PARVA: variants seen among roughly 807,000 people sequenced by gnomAD.
PARVA encodes the protein parvin alpha, also known as alpha-parvin.
A neutral mutation model predicts 52.6 loss-of-function variants in PARVA; 25 were observed. The observed-to-expected ratio is 0.48, with a 90% CI of 0.35 to 0.66. PARVA has a LOEUF of 0.66. Ranked by LOEUF, PARVA falls within the 30% of genes least tolerant of loss-of-function variation. PARVA has a pLI of 0.01. For missense variants in PARVA, 373 were observed against 450.9 expected (o/e 0.83, Z 1.56); for synonymous variants, 185 against 179.1 (o/e 1.03, Z -0.26).
intron 8 of PARVA, chr11:12,513,088 C>A: frequency 1.5e-6 from 1 of 685,628 alleles, no homozygotes; most frequent in South Asian, 1.5e-5. Flanking sequence ...TACACATGCA[C>A]GGACACAGAC....
intron 1 of PARVA, among the ~76,000 whole-genome samples, chr11:12,457,054 C>G (rs979123916): frequency 1.3e-5 from 2 of 152,164 alleles, no homozygotes; most frequent in Non-Finnish European, 2.9e-5. Flanking sequence ...TGTGTACGAG[C>G]TAAATTATGC....
intron 4 of PARVA, chr11:12,479,630 T>C (rs1589973776): frequency 2.0e-5 from 3 of 152,318 alleles, no homozygotes; most frequent in African/African-American, 7.2e-5. Flanking sequence ...GATAGTCATA[T>C]ACTTTTTTTT....
At chr11:12,457,397 G>A (rs562621305) in intron 1 of PARVA, among the ~76,000 whole-genome samples, 1 of 152,274 alleles carries the variant, frequency 6.6e-6, no homozygotes, top group South Asian at 2.1e-4. Context: ...ATTTCCAGTT[G>A]CTGACAGGGC....
chr11:12,511,234 G>A (rs931627291), intron 7 of PARVA, among the ~76,000 whole-genome samples: 2 of 152,184 alleles, frequency 1.3e-5, no homozygotes, highest in African/African-American at 2.4e-5. Context: ...GGCAAAAAGT[G>A]ATCCTTTAGG....
intron 4 of PARVA, among the ~76,000 whole-genome samples, chr11:12,487,471 G>T (rs1363337377): frequency 6.6e-6 from 1 of 152,122 alleles, no homozygotes; most frequent in African/African-American, 2.4e-5. Context: ...GCTGTTAAAA[G>T]CAATTAAAAT....
intron 1 of PARVA, among the ~76,000 whole-genome samples, chr11:12,444,100 C>T (rs1342103578): frequency 1.3e-5 from 2 of 152,084 alleles, no homozygotes; most frequent in Admixed American, 6.5e-5. Flanking sequence ...CACCCCCTAA[C>T]CCCCCAGCAT....
In PARVA at chr11:12,532,859, G is replaced by A. The variant is rs373999316; in HGVS notation, c.*4934G>A. 2.2e-4 allele frequency among the ~76,000 whole-genome samples: 33 copies of A among 152,306 alleles called. No homozygotes were observed. In the East Asian group the frequency reaches 4.1e-3, roughly 19 times the overall value. On this transcript the variant is annotated 3_prime_UTR_variant, in exon 13 of 13. Transcript: ENST00000334956. ...AATGAGGGAGAAGACGGATCCGATCGCAGGCATCGGGAGTGCTGATTTTTC... is the reference window on the plus strand; with the variant it reads ...AATGAGGGAGAAGACGGATCCGATCACAGGCATCGGGAGTGCTGATTTTTC...
rs1941802945 is a variant in PARVA, at chr11:12,533,858, G to T, written c.*5933G>T. Among the ~76,000 whole-genome samples the T allele has an allele frequency of 6.6e-6, 1 of 151,544 alleles. No individual in the cohort carries two copies. The highest frequency in any genetic ancestry group is 1.5e-5 in the Non-Finnish European group (1 of 67,906). On this transcript the variant is annotated 3_prime_UTR_variant, in exon 13 of 13. Transcript: ENST00000334956. ...GTAGGGGTTGGTCTTGCTGTCTGAG[G>T]GGTGGCAGAGGCAGAAAAAAAATCC...
At chr11:12,456,943 C>G (rs543028428) in intron 1 of PARVA, among the ~76,000 whole-genome samples, 2 of 152,330 alleles carry the variant, frequency 1.3e-5, no homozygotes, top group South Asian at 2.1e-4. Flanking sequence ...CCAGCTACCC[C>G]ACACTTGCTC....
At chr11:12,492,142 C>T (rs943891849) in intron 4 of PARVA, among the ~76,000 whole-genome samples, 4 of 152,162 alleles carry the variant, frequency 2.6e-5, no homozygotes, top group African/African-American at 9.6e-5. Flanking sequence ...CATCTCAGTT[C>T]TCCCACCATT....
chr11:12,497,734 G>A (rs180997259), intron 5 of PARVA, among the ~76,000 whole-genome samples: 19 of 152,310 alleles, frequency 1.2e-4, no homozygotes, highest in African/African-American at 4.3e-4. Flanking sequence ...AAGGAGAGGG[G>A]CTCTGTTTCA....
chr11:12,420,650 A>T (rs1940135331), intron 1 of PARVA, among the ~76,000 whole-genome samples: 1 of 152,216 alleles, frequency 6.6e-6, no homozygotes, highest in Non-Finnish European at 1.5e-5. Context: ...TTAGTGGATG[A>T]TGAGAATGAT....
Position 12,529,540 on chromosome 11 carries a change from C to T in PARVA, c.*1615C>T, listed in dbSNP as rs942081544. ...AGACACCAGCCCAAGTACCCTCCTCCAGAAGTCTGTGACTACCTTGTCACT... is the reference window on the plus strand; with the variant it reads ...AGACACCAGCCCAAGTACCCTCCTCTAGAAGTCTGTGACTACCTTGTCACT... On this transcript the variant is annotated 3_prime_UTR_variant, in exon 13 of 13. Transcript: ENST00000334956. 25 of 152,184 alleles carry T rather than the reference C, an allele frequency of 1.6e-4. No homozygotes were observed. Among genetic ancestry groups the T allele is most frequent in the African/African-American group, 5.8e-4 (24 of 41,432 alleles). 9.4% of individuals were successfully genotyped at this position (152,184 alleles called of 1,614,324 possible).
intron 1 of PARVA, among the ~76,000 whole-genome samples, chr11:12,471,298 G>A (rs1940930620): frequency 6.6e-6 from 1 of 152,162 alleles, no homozygotes; most frequent in Admixed American, 6.5e-5. Context: ...GGAGCTCCAG[G>A]CTGGAGATTT....
At chr11:12,454,276 G>T (rs1940663972) in intron 1 of PARVA, among the ~76,000 whole-genome samples, 1 of 152,082 alleles carries the variant, frequency 6.6e-6, no homozygotes, top group Admixed American at 6.5e-5. Flanking sequence ...AGTGAAGATG[G>T]ATATTTTCTC....
At chr11:12,495,622 T>C (rs1019509897) in intron 4 of PARVA, among the ~76,000 whole-genome samples, 1 of 52,696 alleles carries the variant, frequency 1.9e-5, no homozygotes, top group African/African-American at 5.2e-5. Context: ...GAGTTTTTCC[T>C]TTTTTTTAAG....
intron 1 of PARVA, among the ~76,000 whole-genome samples, chr11:12,381,032 G>A (rs568939576): frequency 6.6e-6 from 1 of 152,252 alleles, no homozygotes; most frequent in Admixed American, 6.5e-5. Flanking sequence ...GGCTGTAAAT[G>A]GATGAATGGA....
At chr11:12,474,146 C>T (rs746169866) in intron 3 of PARVA, among the ~76,000 whole-genome samples, 163 bp downstream of exon 3, 6 of 152,084 alleles carry the variant, frequency 3.9e-5, no homozygotes, top group East Asian at 1.9e-4. Flanking sequence ...CCATCGAAAA[C>T]GTAACCGATT....
chr11:12,467,567 G>A (rs1037376799), intron 1 of PARVA, among the ~76,000 whole-genome samples: 6 of 152,304 alleles, frequency 3.9e-5, no homozygotes, highest in Non-Finnish European at 7.4e-5. Context: ...TTCACATAGA[G>A]AAACATTGCT....
Sources: gnomAD v4.1 joint callset for allele counts (sites outside exome capture counted in the v4.1 genomes callset) on GRCh38, gnomAD v4.1.1 for gene constraint, MANE v1.5 for transcripts, NCBI Gene and HGNC (gene_info 2026-07-23, HGNC 2026-07-21) for gene names.